CHD2: variants seen among roughly 807,000 people sequenced by gnomAD.
CHD2 encodes ATP-dependent chromatin remodeler CHD2.
A neutral mutation model predicts 243.9 loss-of-function variants in CHD2; 28 were observed. That is an observed-to-expected ratio of 0.11 (90% CI 0.09 to 0.16). The LOEUF (loss-of-function observed/expected upper bound fraction) is 0.16, where lower values mean the gene tolerates loss of function less well. CHD2 is among the 10% of genes least tolerant of loss of function. The pLI, the probability that CHD2 is intolerant of heterozygous loss-of-function variation, is 1.00. For synonymous variants in CHD2, 775 were observed against 779.0 expected (o/e 0.99, Z 0.09); for missense variants, 1,386 against 2,209.8 (o/e 0.63, Z 7.47).
At chr15:92,904,344 C>T in intron 2 of CHD2, 2 of 653,542 alleles carry the variant, frequency 3.1e-6, no homozygotes, top group African/African-American at 2.0e-5. Flanking sequence ...CTGGTAACAG[C>T]AGGGTCAACG....
intron 12 of CHD2, 37 bp from the exon 13 acceptor site, chr15:92,948,915 A>C (rs1187979332): frequency 2.5e-6 from 4 of 1,596,892 alleles, no homozygotes; most frequent in Non-Finnish European, 3.4e-6. Context: ...TAGTAGCAGT[A>C]AGAACATTTT....
chr15:92,989,102 G>A (rs1159325624), intron 26 of CHD2, among the ~76,000 whole-genome samples: 3 of 143,082 alleles, frequency 2.1e-5, no homozygotes, highest in Non-Finnish European at 4.5e-5. Context: ...CGCGATTTTG[G>A]CTCACTGCAA....
chr15:92,971,844 G>A lies in CHD2; in HGVS notation c.2269G>A (p.Glu757Lys). 6.2e-7 allele frequency: 1 copy of A among 1,613,748 alleles called. No homozygotes were observed. The highest frequency in any genetic ancestry group is 1.3e-5 in the African/African-American group (1 of 74,976). ...STSGFLNIVM[E>K]LKKCCNHCYL... is the part of the protein sequence containing the mutation. ...ATCTGGTTTTCTTAATATTGTGATGGAACTGAAAAAATGTTGCAACCACTG... is the reference window on the plus strand; with the variant it reads ...ATCTGGTTTTCTTAATATTGTGATGAAACTGAAAAAATGTTGCAACCACTG... The change falls in exon 18 of 39, where the codon GAA (glutamate) becomes AAA (lysine). Residue 757 changes from glutamate (E) to lysine (K), a missense_variant. Physicochemically the swap from Glu to Lys is moderately conservative, Grantham distance 56. This residue lies in a region of CHD2 where 118 missense variants were observed against 266.3 expected (regional missense o/e 0.44). Coordinates refer to ENST00000394196, the MANE Select transcript of CHD2 (RefSeq NM_001271.4).
chr15:92,989,451 C>T, intron 26 of CHD2, among the ~76,000 whole-genome samples: 1 of 152,156 alleles, frequency 6.6e-6, no homozygotes. Context: ...TTTGCCGCTG[C>T]TGTTGTATTT....
chr15:92,995,965 G>A (rs1351225598), intron 28 of CHD2, among the ~76,000 whole-genome samples: 1 of 152,136 alleles, frequency 6.6e-6, no homozygotes. Context: ...AACGAACAAG[G>A]TTGTACATCT....
chr15:92,906,888 G>T (rs1404427847), intron 2 of CHD2, among the ~76,000 whole-genome samples: 1 of 152,074 alleles, frequency 6.6e-6, no homozygotes, highest in African/African-American at 2.4e-5. Flanking sequence ...CTGCACTTCA[G>T]CTTGACTAAG....
At chr15:92,929,263 A>G (rs1050663365) in intron 5 of CHD2, among the ~76,000 whole-genome samples, 172 bp downstream of exon 5, 14 of 152,274 alleles carry the variant, frequency 9.2e-5, no homozygotes, top group Middle Eastern at 6.8e-3. Flanking sequence ...CAGCAGCAGC[A>G]TTGGAAACTC....
Position 92,997,157 on chromosome 15 carries a change from G to T in CHD2, c.3734+62G>T. 6.2e-7 allele frequency: 1 copy of T among 1,604,090 alleles called. No homozygotes were observed. The highest frequency in any genetic ancestry group is 1.1e-5 in the South Asian group (1 of 89,230). On this transcript the variant is annotated intron_variant, in intron 29 of 38. Coordinates refer to ENST00000394196, the MANE Select transcript of CHD2 (RefSeq NM_001271.4). This position sits in a 1 kb window ranked among gnomAD's most constrained non-coding sequence, Gnocchi z 4.1. ...CCGTAAGAAAATAGATTTGAAGTTA[G>T]ACTTTGTGTAGTTCCATAGTATTTT...
At chr15:92,904,743 A>G (rs2052587548) in intron 2 of CHD2, 1 of 1,394,344 alleles carries the variant, frequency 7.2e-7, no homozygotes, top group Non-Finnish European at 9.3e-7. Flanking sequence ...CCAGTTTTAC[A>G]TTTTCCCTTT....
chr15:93,019,040 AAAGG>A (rs1676711410), intron 37 of CHD2, among the ~76,000 whole-genome samples: 1 of 152,218 alleles, frequency 6.6e-6, no homozygotes, highest in African/African-American at 2.4e-5. Flanking sequence ...CCTTAGGAGA[AAAGG>A]AAGGCTACAG....
At chr15:92,925,166 G>A (rs1192446450) in intron 3 of CHD2, among the ~76,000 whole-genome samples, 6 of 152,172 alleles carry the variant, frequency 3.9e-5, no homozygotes. Flanking sequence ...TTATAGGTTG[G>A]ATGGACCTAC....
At position 93,005,575 on chromosome 15, in the gene CHD2, A is replaced by G. The variant is rs2054310006; in HGVS notation, c.4413+824A>G. Reference sequence around the variant, plus strand: ...TTCTTTCAAATTTGAAAATACTTCCATCCTGTGGCAGCAAAGGACCCTGTT... The same window carrying G: ...TTCTTTCAAATTTGAAAATACTTCCGTCCTGTGGCAGCAAAGGACCCTGTT... On this transcript the variant is annotated intron_variant, in intron 34 of 38. Transcript: ENST00000394196. Among the ~76,000 whole-genome samples, 3 of 152,112 alleles carry G rather than the reference A, an allele frequency of 2.0e-5. No homozygotes were observed. The South Asian group carries it at 6.2e-4, about 32-fold the overall frequency.
chr15:92,946,249 G>A, intron 12 of CHD2, 33 bp downstream of exon 12: 1 of 1,561,508 alleles, frequency 6.4e-7, no homozygotes, highest in Non-Finnish European at 8.7e-7. Flanking sequence ...TTTTTTCAGG[G>A]AGAAGATATA....
In CHD2 at chr15:92,900,739, T is replaced by C. The variant is rs572668879; in HGVS notation, c.-157T>C. 48 of 397,038 alleles carry C rather than the reference T, an allele frequency of 1.2e-4. No homozygotes were observed. The Middle Eastern group carries it at 5.6e-3, about 46-fold the overall frequency. 24.6% of individuals were successfully genotyped at this position (397,038 alleles called of 1,614,324 possible). On this transcript the variant is annotated 5_prime_UTR_variant, in exon 1 of 39. Coordinates refer to ENST00000394196, the MANE Select transcript of CHD2 (RefSeq NM_001271.4). ...TTATTTTTCGTTTTTTAACGGAGGA[T>C]TTTGCCTTTATTTTTAATTATTTGG...
Position 92,965,999 on chromosome 15 carries a change from AT to A in CHD2, c.2001-1323del, listed in dbSNP as rs550518541. Among the ~76,000 whole-genome samples, 577 of 151,472 alleles carry A rather than the reference AT, an allele frequency of 3.8e-3. 4 individuals are homozygous for A. Among genetic ancestry groups the A allele is most frequent in the African/African-American group, 0.013 (543 of 41,268 alleles). On this transcript the variant is annotated intron_variant, in intron 16 of 38. Transcript: ENST00000394196. ...CTACTGATTTCCGGTCACTTCACAC[AT>A]TTAGTGTGTGAGGTATCATCTCCAG...
At position 92,980,833 on chromosome 15, in the gene CHD2, A is replaced by G. The variant is rs749897009; in HGVS notation, c.2895A>G (p.Lys965=). Residue 965 remains lysine (K), a synonymous_variant, in exon 23 of 39, where the codon AAA becomes AAG. Transcript: ENST00000394196. ...TCCACAGCTCAAATCCTTTTAATAAAGAAGAGCTGACAGCTATTTTGAAAT... is the reference window on the plus strand; with the variant it reads ...TCCACAGCTCAAATCCTTTTAATAAGGAAGAGCTGACAGCTATTTTGAAAT... ...SGRSNSNPFN[K]EELTAILKFG... 2 of 1,613,500 alleles carry G rather than the reference A, an allele frequency of 1.2e-6. No individual in the cohort carries two copies. Among genetic ancestry groups the G allele is most frequent in the South Asian group, 2.2e-5 (2 of 91,018 alleles).
chr15:92,986,946 A>C (rs1471704708), intron 26 of CHD2, among the ~76,000 whole-genome samples: 2 of 152,034 alleles, frequency 1.3e-5, no homozygotes, highest in Non-Finnish European at 2.9e-5. Context: ...TATGTTGCCC[A>C]GGCTGGTCTC....
Position 92,944,439 on chromosome 15 carries a change from T to A in CHD2, c.1077T>A (p.Asp359Glu). 1.2e-6 allele frequency: 2 copies of A among 1,609,856 alleles called. No individual in the cohort carries two copies. The highest frequency in any genetic ancestry group is 1.7e-6 in the Non-Finnish European group (2 of 1,176,758). ...GGTTAGGGAAAGTTTCTCCTGAAGA[T>A]GTAGAATATTTCAATTGCCAACAGG... is the stretch of plus-strand genomic sequence containing the variant. ...KQWLGKVSPEDVEYFNCQQEL... is the reference protein window; with the variant it reads ...KQWLGKVSPEEVEYFNCQQEL... The change falls in exon 10 of 39, where the codon GAT (aspartate) becomes GAA (glutamate). Residue 359 changes from aspartate (D) to glutamate (E), a missense_variant. Asp to Glu is a conservative substitution (Grantham distance 45, BLOSUM62 2). Around this residue, in one of 19 missense-constraint regions of CHD2, gnomAD observed 200 missense variants for 292.5 expected, o/e 0.68. Transcript: ENST00000394196.
chr15:92,936,683 T>C (rs1333452975), intron 5 of CHD2, among the ~76,000 whole-genome samples: 1 of 152,192 alleles, frequency 6.6e-6, no homozygotes, highest in Non-Finnish European at 1.5e-5. Context: ...AGGGACTGTT[T>C]CCTTAAATGT....
Sources: allele counts gnomAD v4.1 joint callset (sites outside exome capture counted in the v4.1 genomes callset), GRCh38; gene constraint gnomAD v4.1.1; regional missense constraint gnomAD v4.1.1; non-coding constraint Gnocchi (gnomAD v3.1); transcripts MANE v1.5; gene names NCBI Gene and HGNC (gene_info 2026-07-23, HGNC 2026-07-21).